KCNMB2: variants seen among roughly 807,000 people sequenced by gnomAD.
KCNMB2 encodes calcium-activated potassium channel subunit beta-2.
KCNMB2 carries 9 observed loss-of-function variants against 24.5 expected under a neutral mutation model. That is an observed-to-expected ratio of 0.37 (90% confidence interval 0.22 to 0.64). The LOEUF is 0.64. Among genes scored for constraint, KCNMB2 ranks in the 30% least tolerant of loss-of-function variants. KCNMB2 has a pLI of 0.63. For missense variants in KCNMB2, 226 were observed against 284.3 expected (o/e 0.79, Z 1.47); for synonymous variants, 109 against 104.4 (o/e 1.04, Z -0.27).
chr3:178,560,035 A>G (rs1186134531), intron 1 of KCNMB2, among the ~76,000 whole-genome samples: 2 of 147,846 alleles, frequency 1.4e-5, no homozygotes, highest in Non-Finnish European at 3.0e-5. Flanking sequence ...TATATATTAT[A>G]CATATCTTTT....
At chr3:178,540,968 GT>G (rs1715597691) in intron 1 of KCNMB2, among the ~76,000 whole-genome samples, 1 of 152,130 alleles carries the variant, frequency 6.6e-6, no homozygotes. Flanking sequence ...ATGAGCAATT[GT>G]CAAACGAATG....
rs1024302434 is a variant in KCNMB2 at position 178,605,063 on chromosome 3, GT to G, written c.-68+68359del. 3.4e-4 allele frequency among the ~76,000 whole-genome samples: 52 copies of G among 152,234 alleles called. 2 individuals carry two copies. The highest frequency in any genetic ancestry group is 1.2e-3 in the African/African-American group (51 of 41,550). ...TTTATGTCTGGCCTAAGGTCAAGTAGTTTTTTTAGGACCTGCTACAGACTGA... is the reference window on the plus strand; with the variant it reads ...TTTATGTCTGGCCTAAGGTCAAGTAGTTTTTTAGGACCTGCTACAGACTGA... On this transcript the variant is annotated intron_variant, in intron 1 of 4. Transcript: ENST00000452583.
At chr3:178,714,409 G>A (rs1181805473) in intron 1 of KCNMB2, among the ~76,000 whole-genome samples, 1 of 152,166 alleles carries the variant, frequency 6.6e-6, no homozygotes, top group East Asian at 1.9e-4. Flanking sequence ...GCAGCAGAAG[G>A]AGCAGCCATC....
rs148484773 is a variant in KCNMB2 at position 178,571,875 on chromosome 3, C to T, written c.-68+35164C>T. 5.5e-4 allele frequency among the ~76,000 whole-genome samples: 83 copies of T among 152,156 alleles called. 1 individual carries two copies. Among genetic ancestry groups the T allele is most frequent in the South Asian group, 5.2e-3 (25 of 4,816 alleles). ...AAGGACATGAAGTCATTCCTTTTTA[C>T]GGCTGCATAGTATTCTATGATATAC... On this transcript the variant is annotated intron_variant, in intron 1 of 4. Transcript: ENST00000452583.
At chr3:178,804,224 G>C (rs1008596757) in intron 1 of KCNMB2, among the ~76,000 whole-genome samples, 4 of 152,126 alleles carry the variant, frequency 2.6e-5, no homozygotes, top group African/African-American at 9.7e-5. Context: ...CCTATAAAAT[G>C]AGCAAAATTG....
In KCNMB2 at chr3:178,672,203, T is replaced by C. The variant is rs188882679; in HGVS notation, c.-67-135140T>C. ...AAAATTTATAAAGCATTTTCTACGT[T>C]CCAGGACTCTACTGATCACCTTCTA... On this transcript the variant is annotated intron_variant, in intron 1 of 4. Transcript: ENST00000452583. 2.2e-4 allele frequency among the ~76,000 whole-genome samples: 34 copies of C among 152,286 alleles called. 2 individuals are homozygous for C. The East Asian group carries it at 6.4e-3, about 29-fold the overall frequency.
intron 1 of KCNMB2, among the ~76,000 whole-genome samples, chr3:178,739,566 G>C (rs1368041789): frequency 2.0e-5 from 3 of 152,114 alleles, no homozygotes; most frequent in Non-Finnish European, 4.4e-5. Flanking sequence ...GAACTTAACA[G>C]GATATTGTCC....
At chr3:178,667,714 A>G (rs1720767867) in intron 1 of KCNMB2, among the ~76,000 whole-genome samples, 5 of 152,122 alleles carry the variant, frequency 3.3e-5, no homozygotes, top group African/African-American at 7.2e-5. Flanking sequence ...TGTTCAAAAC[A>G]ATTAATTTCT....
chr3:178,829,570 GC>G (rs2108470960), intron 4 of KCNMB2, among the ~76,000 whole-genome samples: 2 of 152,276 alleles, frequency 1.3e-5, no homozygotes, highest in African/African-American at 4.8e-5. Context: ...CCAGCGCTGT[GC>G]TGCAGTATGT....
At chr3:178,786,813 T>TA (rs200944283) in intron 1 of KCNMB2, among the ~76,000 whole-genome samples, 5 of 142,238 alleles carry the variant, frequency 3.5e-5, no homozygotes, top group African/African-American at 1.3e-4. Flanking sequence ...AGCCAAAAAA[T>TA]AAAAAAACCT....
intron 1 of KCNMB2, among the ~76,000 whole-genome samples, chr3:178,590,965 G>GT (rs1237228095): frequency 7.9e-5 from 12 of 152,232 alleles, no homozygotes; most frequent in Admixed American, 7.2e-4. Context: ...TCATTTCAAT[G>GT]TTTTTTATTA....
At chr3:178,817,154 A>G (rs1412636800) in intron 2 of KCNMB2, among the ~76,000 whole-genome samples, 1 of 149,886 alleles carries the variant, frequency 6.7e-6, no homozygotes, top group Non-Finnish European at 1.5e-5. Context: ...GGGAAGTCCC[A>G]TGAATTAATA....
At chr3:178,667,123 G>T (rs1273587118) in intron 1 of KCNMB2, among the ~76,000 whole-genome samples, 1 of 151,670 alleles carries the variant, frequency 6.6e-6, no homozygotes, top group Non-Finnish European at 1.5e-5. Context: ...GGACATGGGG[G>T]GTCAAGTGTA....
At chr3:178,815,075 A>G (rs77502817) in intron 2 of KCNMB2, among the ~76,000 whole-genome samples, 2,397 of 152,286 alleles carry the variant, frequency 0.016, 29 homozygotes, top group Non-Finnish European at 0.024. Context: ...TAATATATAA[A>G]AAGGCAATTG....
chr3:178,552,508 T>C (rs549889011), intron 1 of KCNMB2, among the ~76,000 whole-genome samples: 1 of 152,276 alleles, frequency 6.6e-6, no homozygotes, highest in African/African-American at 2.4e-5. Flanking sequence ...TGTATATCAA[T>C]GGTACTATAA....
chr3:178,694,522 A>G (rs1721806490), intron 1 of KCNMB2, among the ~76,000 whole-genome samples: 1 of 152,254 alleles, frequency 6.6e-6, no homozygotes, highest in Non-Finnish European at 1.5e-5. Context: ...ATGAGCCTGT[A>G]AAATCAAAAG....
chr3:178,655,095 CCTCTCT>C (rs67468527), intron 1 of KCNMB2, among the ~76,000 whole-genome samples: 9,257 of 111,090 alleles, frequency 0.083, 322 homozygotes, highest in South Asian at 0.18. Context: ...ATTAGCTCTC[CCTCTCT>C]CTCTCTCTCT....
chr3:178,600,688 C>G (rs1718048663), intron 1 of KCNMB2, among the ~76,000 whole-genome samples: 1 of 152,164 alleles, frequency 6.6e-6, no homozygotes, highest in Non-Finnish European at 1.5e-5. Context: ...GGGCAGACAT[C>G]TCTCAGAGAG....
rs372148438 is a variant in KCNMB2, at chr3:178,684,179, A to C, written c.-67-123164A>C. Among the ~76,000 whole-genome samples, 8 of 152,176 alleles carry C rather than the reference A, an allele frequency of 5.3e-5. No individual in the cohort carries two copies. The East Asian group carries it at 1.5e-3, about 29-fold the overall frequency. On this transcript the variant is annotated intron_variant, in intron 1 of 4. Coordinates refer to ENST00000452583, the MANE Select transcript of KCNMB2 (RefSeq NM_181361.3). Reference sequence around the variant, plus strand: ...AAAACTTATTTATTCCTAAAAAATGAGATATTGCCATTTGCCACCACATGG... The same window carrying C: ...AAAACTTATTTATTCCTAAAAAATGCGATATTGCCATTTGCCACCACATGG...
Sources: allele counts gnomAD v4.1 joint callset (sites outside exome capture counted in the v4.1 genomes callset), GRCh38; gene constraint gnomAD v4.1.1; transcripts MANE v1.5; gene names NCBI Gene and HGNC (gene_info 2026-07-23, HGNC 2026-07-21).